The following AATF variants were observed in gnomAD, a reference collection of about 807,000 sequenced individuals.
The protein encoded by AATF is protein AATF.
Under a neutral mutation model 63.7 loss-of-function variants are expected in AATF, and 48 were observed. The observed-to-expected ratio is 0.75, with a 90% CI of 0.60 to 0.96. AATF has a LOEUF of 0.96. AATF is among the 40% of genes least tolerant of loss of function. AATF has a pLI of 0.00. For missense variants in AATF, 639 were observed against 685.7 expected (o/e 0.93, Z 0.76); for synonymous variants, 258 against 247.7 (o/e 1.04, Z -0.39).
intron 11 of AATF, among the ~76,000 whole-genome samples, chr17:37,036,803 A>G (rs896044449): frequency 1.3e-5 from 2 of 152,084 alleles, no homozygotes; most frequent in Admixed American, 6.5e-5. Context: ...CTTCTCCAGT[A>G]TGAGGTTACA....
At position 37,018,999 on chromosome 17, in the gene AATF, C is replaced by G; in HGVS notation, c.1399-6C>G. 2 of 1,613,472 alleles carry G rather than the reference C, an allele frequency of 1.2e-6. No homozygotes were observed. The highest frequency in any genetic ancestry group is 1.7e-6 in the Non-Finnish European group (2 of 1,179,542). Reference sequence around the variant, plus strand: ...AATAAATTCGTTGCTTTCCTTTTTCCCCTAGCTCCTTCGAGAACTCATAGA... The same window carrying G: ...AATAAATTCGTTGCTTTCCTTTTTCGCCTAGCTCCTTCGAGAACTCATAGA... On this transcript the variant is annotated splice_polypyrimidine_tract_variant and splice_region_variant and intron_variant, in intron 8 of 11. Coordinates refer to ENST00000619387, the MANE Select transcript of AATF (RefSeq NM_012138.4).
chr17:36,950,227 G>A lies in AATF; in HGVS notation c.105G>A (p.Arg35=). ...CTCCCCCGACAGCCACTGCTGCCAGGGTGATTGACAGGTTTGATGAAGGGG... is the reference window on the plus strand; with the variant it reads ...CTCCCCCGACAGCCACTGCTGCCAGAGTGATTGACAGGTTTGATGAAGGGG... ...EADPEEATAA[R]VIDRFDEGED... Residue 35 remains arginine, a synonymous_variant, in exon 2 of 12, where the codon AGG becomes AGA. Transcript: ENST00000619387. The A allele has an allele frequency of 6.2e-7, 1 of 1,613,768 alleles. No individual in the cohort carries two copies. Among genetic ancestry groups the A allele is most frequent in the South Asian group, 1.1e-5 (1 of 91,072 alleles).
chr17:36,965,771 G>T (rs1239025989), intron 4 of AATF, among the ~76,000 whole-genome samples: 2 of 152,004 alleles, frequency 1.3e-5, no homozygotes, highest in African/African-American at 4.8e-5. Context: ...GTGCAATCAT[G>T]GCTCACTGCA....
chr17:37,001,432 G>GA (rs1392191609), intron 8 of AATF, among the ~76,000 whole-genome samples: 1 of 123,394 alleles, frequency 8.1e-6, no homozygotes, highest in Non-Finnish European at 1.7e-5. Context: ...AGGAAGGAAG[G>GA]AAGGAAGGAA....
At chr17:36,959,739 G>A (rs1031151673) in intron 4 of AATF, among the ~76,000 whole-genome samples, 1 of 152,088 alleles carries the variant, frequency 6.6e-6, no homozygotes, top group Admixed American at 6.5e-5. Context: ...TTCATTACAG[G>A]TCTAAAATGC....
intron 11 of AATF, among the ~76,000 whole-genome samples, chr17:37,039,619 G>T (rs935219562): frequency 6.6e-6 from 1 of 152,178 alleles, no homozygotes; most frequent in Non-Finnish European, 1.5e-5. Flanking sequence ...GTGCTGAGGG[G>T]AAAGGACCCG....
At position 36,949,186 on chromosome 17, in the gene AATF, G is replaced by C. The variant is rs753366095; in HGVS notation, c.61G>C (p.Glu21Gln). 8 of 1,593,784 alleles carry C rather than the reference G, an allele frequency of 5.0e-6. No homozygotes were observed. Among genetic ancestry groups the C allele is most frequent in the Non-Finnish European group, 6.8e-6 (8 of 1,171,956 alleles). ...LEQLLNPRPSEADPEADPEEA... is the reference protein window; with the variant it reads ...LEQLLNPRPSQADPEADPEEA... ...ACAGTTGTTGAACCCGCGACCAAGC[G>C]AGGCGGACCCTGAAGCGGACCCCGA... is the stretch of plus-strand genomic sequence containing the variant. Residue 21 changes from glutamate to glutamine, a missense_variant, in exon 1 of 12, where the codon GAG (glutamate) becomes CAG (glutamine). Physicochemically the swap from Glu to Gln is conservative, Grantham distance 29. Coordinates refer to ENST00000619387, the MANE Select transcript of AATF (RefSeq NM_012138.4).
intron 11 of AATF, 81 bp from the exon 12 acceptor site, chr17:37,056,520 G>A (rs1023169566): frequency 8.5e-6 from 12 of 1,407,308 alleles, no homozygotes; most frequent in African/African-American, 8.5e-5. Context: ...ACAGAATGGG[G>A]TATTTTCCAG....
chr17:37,033,223 T>C (rs1025526666), intron 11 of AATF, among the ~76,000 whole-genome samples: 2 of 152,240 alleles, frequency 1.3e-5, no homozygotes, highest in Non-Finnish European at 2.9e-5. Context: ...TGTCTAGATA[T>C]GGCCATGGTT....
intron 4 of AATF, among the ~76,000 whole-genome samples, chr17:36,971,295 G>A (rs933717602): frequency 2.6e-5 from 4 of 152,084 alleles, no homozygotes; most frequent in African/African-American, 9.7e-5. Context: ...ATATATGATA[G>A]CAAATAAGCA....
intron 2 of AATF, among the ~76,000 whole-genome samples, chr17:36,951,605 T>A (rs2070855775): frequency 6.6e-6 from 1 of 152,210 alleles, no homozygotes; most frequent in Admixed American, 6.5e-5. Context: ...ATTGGTTACA[T>A]AAGTTTGCTC....
chr17:37,034,949 C>A (rs1336848244), intron 11 of AATF: 3 of 151,662 alleles, frequency 2.0e-5, no homozygotes, highest in Non-Finnish European at 4.4e-5. Flanking sequence ...CACGGTGAAA[C>A]CCCTTTTCTA....
chr17:36,969,369 T>C (rs1309686877), intron 4 of AATF, among the ~76,000 whole-genome samples: 1 of 152,196 alleles, frequency 6.6e-6, no homozygotes, highest in African/African-American at 2.4e-5. Context: ...TCAACTATGA[T>C]CTGGAATCTC....
chr17:37,030,202 C>A (rs1304074722), intron 10 of AATF, among the ~76,000 whole-genome samples: 2 of 152,148 alleles, frequency 1.3e-5, no homozygotes, highest in African/African-American at 4.8e-5. Flanking sequence ...TGAGCCACCA[C>A]ACCCTGCCTC....
chr17:36,977,828 A>G (rs73985326), intron 4 of AATF, among the ~76,000 whole-genome samples: 5,814 of 152,160 alleles, frequency 0.038, 366 homozygotes, highest in African/African-American at 0.13. Context: ...CTTTTTGGCA[A>G]AGTGCTCAGT....
chr17:37,027,680 A>G (rs2071520749), intron 10 of AATF, among the ~76,000 whole-genome samples: 2 of 152,194 alleles, frequency 1.3e-5, no homozygotes, highest in Admixed American at 1.3e-4. Context: ...ACAATTTACT[A>G]TTTTAAGAAT....
At chr17:37,045,661 T>A (rs1003314932) in intron 11 of AATF, 4 of 152,336 alleles carry the variant, frequency 2.6e-5, no homozygotes, top group African/African-American at 7.2e-5. Flanking sequence ...AGCTCGGTCC[T>A]ACAGGGGGAA....
chr17:37,017,498 A>G lies in AATF; in HGVS notation c.1399-1507A>G, dbSNP rs543058537. Among the ~76,000 whole-genome samples, 8 of 152,198 alleles carry G rather than the reference A, an allele frequency of 5.3e-5. No individual in the cohort carries two copies. The South Asian group carries it at 1.7e-3, about 32-fold the overall frequency. On this transcript the variant is annotated intron_variant, in intron 8 of 11. Transcript: ENST00000619387. The stretch of plus-strand genomic sequence containing the variant: ...TATGTCTGTGTAACACTGGATTTGG[A>G]TCTTGTATTTAGCTGCCAGAAGTGA...
At chr17:36,999,797 G>A (rs1473916378) in intron 8 of AATF, 2 of 152,326 alleles carry the variant, frequency 1.3e-5, no homozygotes, top group Admixed American at 6.6e-5. Flanking sequence ...AGTTGTCTGG[G>A]GGAAGAGCAT....
Sources: allele counts gnomAD v4.1 joint callset (sites outside exome capture counted in the v4.1 genomes callset), GRCh38; gene constraint gnomAD v4.1.1; transcripts MANE v1.5; gene names NCBI Gene and HGNC (gene_info 2026-07-23, HGNC 2026-07-21).